TMPRSS11E: variants seen among roughly 807,000 people sequenced by gnomAD.
TMPRSS11E encodes the protein transmembrane protease serine 11E.
Under a neutral mutation model 48.1 loss-of-function variants are expected in TMPRSS11E, and 38 were observed. The observed-to-expected ratio is 0.79, with a 90% CI of 0.61 to 1.04. The LOEUF (loss-of-function observed/expected upper bound fraction) is 1.04. Among genes scored for constraint, TMPRSS11E ranks in the 50% least tolerant of loss-of-function variants. TMPRSS11E has a pLI of 0.00. For synonymous variants in TMPRSS11E, 158 were observed against 171.9 expected, an observed-to-expected ratio of 0.92 and a Z score of 0.63; for missense variants, 530 against 510.8, an observed-to-expected ratio of 1.04 and a Z score of -0.36.
intron 9 of TMPRSS11E, among the ~76,000 whole-genome samples, chr4:68,490,126 G>A (rs1306364714): frequency 6.6e-6 from 1 of 152,114 alleles, no homozygotes; most frequent in Non-Finnish European, 1.5e-5. Flanking sequence ...TCCAGGCCAG[G>A]AACAAGTTCT....
At position 68,447,535 on chromosome 4, in the gene TMPRSS11E, C is replaced by T. The variant is rs1458417037; in HGVS notation, c.11+12C>T. 7 of 1,606,562 alleles carry T rather than the reference C, an allele frequency of 4.4e-6. No individual in the cohort carries two copies. Among genetic ancestry groups the T allele is most frequent in the South Asian group, 3.3e-5 (3 of 90,248 alleles). On this transcript the variant is annotated intron_variant, in intron 1 of 9. Coordinates refer to ENST00000305363, the MANE Select transcript of TMPRSS11E (RefSeq NM_014058.4). ...GCAATGATGTATCGGTGAGTTAGTT[C>T]CCTTTTTCTTTCTAGAAGTCTTAAG... is the stretch of plus-strand genomic sequence containing the variant.
Position 68,474,714 on chromosome 4 carries a change from G to A in TMPRSS11E, c.491-9G>A, listed in dbSNP as rs141327399. On this transcript the variant is annotated splice_polypyrimidine_tract_variant and intron_variant, in intron 5 of 9. Coordinates refer to ENST00000305363, the MANE Select transcript of TMPRSS11E (RefSeq NM_014058.4). ...TGCTGACCCTATTTGCCATTTCTGT[G>A]TGTTTCAGAAATCAACAAGACAGAA... is the stretch of plus-strand genomic sequence containing the variant. The A allele has an allele frequency of 6.2e-7, 1 of 1,606,902 alleles. No individual in the cohort carries two copies. The highest frequency in any genetic ancestry group is 1.3e-5 in the African/African-American group (1 of 74,626).
chr4:68,468,768 C>A, intron 3 of TMPRSS11E, 111 bp from the exon 4 acceptor site: 1 of 838,580 alleles, frequency 1.2e-6, no homozygotes, highest in Non-Finnish European at 2.0e-6. Context: ...TGTGAAATGT[C>A]AATGTTTTTT....
Position 68,496,656 on chromosome 4 carries a change from G to T in TMPRSS11E, c.1124G>T (p.Gly375Val), listed in dbSNP as rs749478314. The change falls in exon 10 of 10, where the codon GGA becomes GTA. Residue 375 changes from glycine (G) to valine (V), a missense_variant. Transcript: ENST00000305363. ...KTDACQGDSG[G>V]PLVSSDARDI... ...CTTCTCCTTTAGGGTGACTCTGGAGGACCACTGGTTAGTTCAGATGCTAGA... is the reference window on the plus strand; with the variant it reads ...CTTCTCCTTTAGGGTGACTCTGGAGTACCACTGGTTAGTTCAGATGCTAGA... The T allele has an allele frequency of 6.2e-6, 10 of 1,612,056 alleles. No individual in the cohort carries two copies. Among genetic ancestry groups the T allele is most frequent in the Non-Finnish European group, 8.5e-6 (10 of 1,179,054 alleles).
chr4:68,479,317 T>A (rs1729340662), intron 9 of TMPRSS11E, among the ~76,000 whole-genome samples: 1 of 152,062 alleles, frequency 6.6e-6, no homozygotes, highest in Non-Finnish European at 1.5e-5. Flanking sequence ...CATCTGGCAA[T>A]CACTAATTTA....
At chr4:68,465,468 A>T (rs1333038973) in intron 2 of TMPRSS11E, among the ~76,000 whole-genome samples, 2 of 152,190 alleles carry the variant, frequency 1.3e-5, no homozygotes, top group East Asian at 1.9e-4. Flanking sequence ...AAGAAGCAGC[A>T]TGTGAAGTAA....
intron 9 of TMPRSS11E, among the ~76,000 whole-genome samples, chr4:68,487,071 T>C (rs1291848235): frequency 6.6e-6 from 1 of 152,216 alleles, no homozygotes; most frequent in Admixed American, 6.5e-5. Flanking sequence ...TGCTTCTTTA[T>C]CCAATGGGCT....
chr4:68,450,409 C>T (rs1215330078), intron 1 of TMPRSS11E, among the ~76,000 whole-genome samples: 3 of 151,830 alleles, frequency 2.0e-5, no homozygotes, highest in African/African-American at 2.4e-5. Flanking sequence ...TAGTAAGTGT[C>T]GAATCTAGAA....
At chr4:68,466,609 T>C (rs1223038850) in intron 2 of TMPRSS11E, 22 bp from the exon 3 acceptor site, 2 of 1,606,940 alleles carry the variant, frequency 1.2e-6, no homozygotes, top group African/African-American at 1.3e-5. Context: ...ATTATGATAG[T>C]GTTTTGCTTC....
chr4:68,450,024 T>G (rs1354717940), intron 1 of TMPRSS11E, among the ~76,000 whole-genome samples: 1 of 151,884 alleles, frequency 6.6e-6, no homozygotes, highest in Admixed American at 6.6e-5. Context: ...AAAAATCTAT[T>G]TGTTTACAGG....
intron 9 of TMPRSS11E, among the ~76,000 whole-genome samples, chr4:68,488,103 A>T (rs1453612359): frequency 1.3e-5 from 2 of 151,956 alleles, no homozygotes; most frequent in Non-Finnish European, 2.9e-5. Flanking sequence ...TTTTTCTTTC[A>T]TGTTGACCTT....
chr4:68,473,150 G>A (rs1034653681), intron 5 of TMPRSS11E, among the ~76,000 whole-genome samples: 6 of 151,996 alleles, frequency 3.9e-5, no homozygotes, highest in South Asian at 2.1e-4. Flanking sequence ...TGAGGGGTGA[G>A]GAAGGACTAG....
intron 5 of TMPRSS11E, among the ~76,000 whole-genome samples, chr4:68,472,204 G>C (rs1187190837): frequency 6.6e-6 from 1 of 151,886 alleles, no homozygotes; most frequent in African/African-American, 2.4e-5. Flanking sequence ...AGAAATATGA[G>C]ATCCTCAGTG....
At chr4:68,481,523 T>C (rs549099683) in intron 9 of TMPRSS11E, among the ~76,000 whole-genome samples, 7 of 152,304 alleles carry the variant, frequency 4.6e-5, no homozygotes, top group Admixed American at 1.3e-4. Context: ...TGGTATCTTA[T>C]TATGGTTTTT....
intron 9 of TMPRSS11E, among the ~76,000 whole-genome samples, chr4:68,489,478 A>G (rs1729655219): frequency 1.3e-5 from 2 of 152,024 alleles, no homozygotes; most frequent in Non-Finnish European, 2.9e-5. Flanking sequence ...AGTCCTGCAC[A>G]GGCATGCGTG....
intron 1 of TMPRSS11E, among the ~76,000 whole-genome samples, chr4:68,457,230 A>G (rs541737667): frequency 2.0e-5 from 3 of 152,090 alleles, no homozygotes; most frequent in Non-Finnish European, 4.4e-5. Context: ...ATAAAAAAGT[A>G]GGCAAAGGAT....
Position 68,477,411 on chromosome 4 carries a change from A to G in TMPRSS11E, c.750A>G (p.Thr250=), listed in dbSNP as rs374260547. ...PARWTASFGV[T]IKPSKMKRGL... ...GATGGACTGCTTCCTTTGGAGTAAC[A>G]ATAAAACCTTCGAAAATGAAACGGG... The change falls in exon 8 of 10, where the codon ACA becomes ACG. Residue 250 remains threonine (T), a synonymous_variant. Transcript: ENST00000305363. 1.9e-6 allele frequency: 3 copies of G among 1,613,992 alleles called. No individual in the cohort carries two copies. The highest frequency in any genetic ancestry group is 2.5e-6 in the Non-Finnish European group (3 of 1,179,976).
At chr4:68,486,363 G>T (rs1197498382) in intron 9 of TMPRSS11E, among the ~76,000 whole-genome samples, 1 of 152,154 alleles carries the variant, frequency 6.6e-6, no homozygotes, top group African/African-American at 2.4e-5. Flanking sequence ...TAATTTCAAA[G>T]AATTTCTTGC....
chr4:68,481,955 A>T lies in TMPRSS11E; in HGVS notation c.1110+2964A>T, dbSNP rs575862898. On this transcript the variant is annotated intron_variant, in intron 9 of 9. Coordinates refer to ENST00000305363, the MANE Select transcript of TMPRSS11E (RefSeq NM_014058.4). ...ACCCTGTCTCCAAAAACAAACAAAC[A>T]AACTAACAAAACCAAGTAAACAAAA... Among the ~76,000 whole-genome samples the T allele has an allele frequency of 1.1e-4, 16 of 152,274 alleles. No individual in the cohort carries two copies. In the East Asian group the frequency reaches 2.9e-3, roughly 28 times the overall value.
Sources: gnomAD v4.1 joint callset for allele counts (sites outside exome capture counted in the v4.1 genomes callset) on GRCh38, gnomAD v4.1.1 for gene constraint, MANE v1.5 for transcripts, NCBI Gene and HGNC (gene_info 2026-07-23, HGNC 2026-07-21) for gene names.